SND1: variants seen among roughly 807,000 people sequenced by gnomAD.
SND1 encodes staphylococcal nuclease and tudor domain containing 1.
A neutral mutation model predicts 121.7 loss-of-function variants in SND1; 38 were observed. The ratio of observed to expected loss-of-function variants is 0.31; its 90% CI spans 0.24 to 0.41. SND1 has a LOEUF of 0.41. SND1 is among the 10% of genes least tolerant of loss of function. SND1 has a pLI of 1.00. For missense variants in SND1, 868 were observed against 1,184.6 expected, an observed-to-expected ratio of 0.73 and a Z score of 3.92; for synonymous variants, 401 against 447.4, an observed-to-expected ratio of 0.90 and a Z score of 1.31.
At chr7:127,824,776 T>C (rs1379859286) in intron 11 of SND1, among the ~76,000 whole-genome samples, 2 of 152,196 alleles carry the variant, frequency 1.3e-5, no homozygotes, top group African/African-American at 4.8e-5. Context: ...GTTCTAACCA[T>C]TTTGCTGTTG....
At chr7:128,037,446 G>A (rs993246668) in intron 16 of SND1, among the ~76,000 whole-genome samples, 3 of 152,146 alleles carry the variant, frequency 2.0e-5, no homozygotes, top group Admixed American at 2.0e-4. Context: ...ATTTAAATGG[G>A]TCTTTGCAGA....
chr7:127,754,735 A>C (rs1324335994), intron 10 of SND1, among the ~76,000 whole-genome samples: 1 of 152,246 alleles, frequency 6.6e-6, no homozygotes, highest in East Asian at 1.9e-4. Context: ...AGGGACAGAC[A>C]AAATTTTGAA....
intron 13 of SND1, among the ~76,000 whole-genome samples, chr7:127,897,966 G>C (rs777773596): frequency 9.9e-5 from 15 of 151,920 alleles, no homozygotes; most frequent in Non-Finnish European, 2.1e-4. Flanking sequence ...ACCTTCCTGA[G>C]GCCCTATCCT....
At chr7:127,962,158 A>G (rs1801747160) in intron 15 of SND1, among the ~76,000 whole-genome samples, 1 of 152,210 alleles carries the variant, frequency 6.6e-6, no homozygotes, top group Non-Finnish European at 1.5e-5. Flanking sequence ...ATAAGGGAGT[A>G]TGATGTGTTC....
At chr7:127,748,614 A>G (rs1023853711) in intron 10 of SND1, among the ~76,000 whole-genome samples, 4 of 152,234 alleles carry the variant, frequency 2.6e-5, no homozygotes, top group African/African-American at 7.2e-5. Flanking sequence ...AACACACAAA[A>G]TGTTTTTAAA....
At chr7:127,786,177 A>T (rs193203462) in intron 10 of SND1, among the ~76,000 whole-genome samples, 37 of 152,266 alleles carry the variant, frequency 2.4e-4, no homozygotes, top group Admixed American at 2.3e-3. Flanking sequence ...CTGCAACTTA[A>T]AATTTGAGGG....
At chr7:127,665,628 AGGGCT>A (rs1795402598) in intron 1 of SND1, among the ~76,000 whole-genome samples, 1 of 152,198 alleles carries the variant, frequency 6.6e-6, no homozygotes, top group African/African-American at 2.4e-5. Flanking sequence ...TTATTCAAGG[AGGGCT>A]GTGGTGATAG....
intron 10 of SND1, among the ~76,000 whole-genome samples, chr7:127,769,568 A>T (rs1797478734): frequency 6.6e-6 from 1 of 152,108 alleles, no homozygotes; most frequent in East Asian, 1.9e-4. Context: ...TTATGTTTTG[A>T]CCAGCTTCCA....
chr7:128,075,580 CCCCT>C (rs1793493550), intron 17 of SND1, among the ~76,000 whole-genome samples: 1 of 152,238 alleles, frequency 6.6e-6, no homozygotes, highest in Admixed American at 6.5e-5. Context: ...CATCTCTTGT[CCCCT>C]TGGGACTGTC....
At chr7:127,871,064 C>T (rs758406099) in intron 12 of SND1, among the ~76,000 whole-genome samples, 26 of 152,088 alleles carry the variant, frequency 1.7e-4, no homozygotes, top group Non-Finnish European at 3.5e-4. Flanking sequence ...CCTAGACCTA[C>T]ACAGTCAGGA....
chr7:127,891,291 G>T (rs1800005151), intron 13 of SND1, among the ~76,000 whole-genome samples: 1 of 152,104 alleles, frequency 6.6e-6, no homozygotes, highest in Admixed American at 6.6e-5. Flanking sequence ...CGGGAATGCA[G>T]TGGCACAATC....
chr7:127,721,778 C>T (rs962931249), intron 10 of SND1, among the ~76,000 whole-genome samples: 2 of 152,138 alleles, frequency 1.3e-5, no homozygotes, highest in African/African-American at 2.4e-5. Flanking sequence ...CCCGTTTCTG[C>T]TGGTCATTTT....
intron 10 of SND1, among the ~76,000 whole-genome samples, chr7:127,801,737 C>T (rs16871914): frequency 0.019 from 2,968 of 152,318 alleles, 107 homozygotes; most frequent in African/African-American, 0.068. Flanking sequence ...ATAGTCTCTT[C>T]GTACTCCTTC....
chr7:127,695,052 T>G, intron 3 of SND1, 104 bp downstream of exon 3: 106 of 1,410,500 alleles, frequency 7.5e-5, no homozygotes, highest in Middle Eastern at 2.2e-4. Flanking sequence ...GAGGAAGCTC[T>G]AGGACAGTTG....
chr7:128,041,055 T>C (rs1792845847), intron 16 of SND1, among the ~76,000 whole-genome samples: 1 of 152,194 alleles, frequency 6.6e-6, no homozygotes. Context: ...GATGGAAATG[T>C]GGGCTTGAAC....
intron 14 of SND1, among the ~76,000 whole-genome samples, chr7:127,905,890 A>G (rs7794303): frequency 0.059 from 9,017 of 152,212 alleles, 781 homozygotes; most frequent in African/African-American, 0.19. Context: ...ACTAGTATAA[A>G]CAAAAGTGCT....
rs191163870 is a variant in SND1 at position 127,688,890 on chromosome 7, T to G, written c.228+2128T>G. Among the ~76,000 whole-genome samples, 70 of 152,280 alleles carry G rather than the reference T, an allele frequency of 4.6e-4. 1 individual carries two copies. Among genetic ancestry groups the G allele is most frequent in the Admixed American group, 4.2e-3 (64 of 15,304 alleles). The stretch of plus-strand genomic sequence containing the variant: ...GTTTATGTGGAACTTTTATTAATAT[T>G]TAAGTAAAGCATTTAGTTTTTAAAA... On this transcript the variant is annotated intron_variant, in intron 2 of 23. Coordinates refer to ENST00000354725, the MANE Select transcript of SND1 (RefSeq NM_014390.4).
At chr7:127,750,392 C>G (rs1797068318) in intron 10 of SND1, among the ~76,000 whole-genome samples, 1 of 152,182 alleles carries the variant, frequency 6.6e-6, no homozygotes, top group Admixed American at 6.5e-5. Flanking sequence ...AGTCTCTTTT[C>G]ACAAATCCTT....
chr7:127,887,028 G>C (rs1414194542), intron 12 of SND1, among the ~76,000 whole-genome samples: 1 of 151,640 alleles, frequency 6.6e-6, no homozygotes, highest in Non-Finnish European at 1.5e-5. Context: ...TTTTGAGATA[G>C]GGCCTCATTC....
Sources: gnomAD v4.1 joint callset for allele counts (sites outside exome capture counted in the v4.1 genomes callset) on GRCh38, gnomAD v4.1.1 for gene constraint, MANE v1.5 for transcripts, NCBI Gene and HGNC (gene_info 2026-07-23, HGNC 2026-07-21) for gene names.